ZNF532: variants seen among roughly 807,000 people sequenced by gnomAD.
ZNF532 encodes zinc finger protein 532.
In ZNF532, 22 loss-of-function variants were observed where a neutral mutation model predicts 89.3. That is an observed-to-expected ratio of 0.25 (90% CI 0.18 to 0.35). The LOEUF (loss-of-function observed/expected upper bound fraction) is 0.35, where lower values mean the gene tolerates loss of function less well. ZNF532 is among the 10% of genes least tolerant of loss of function. The pLI is 1.00. For synonymous variants in ZNF532, 606 were observed against 649.6 expected (o/e 0.93, Z 1.02); for missense variants, 1,132 against 1,643.4 (o/e 0.69, Z 5.38).
rs1007649613 is a variant in ZNF532 at position 58,974,269 on chromosome 18, T to A, written c.3151-4786T>A. Among the ~76,000 whole-genome samples the A allele has an allele frequency of 3.3e-5, 5 of 152,240 alleles. 1 individual carries two copies. The highest frequency in any genetic ancestry group is 7.3e-5 in the Non-Finnish European group (5 of 68,038). On this transcript the variant is annotated intron_variant, in intron 7 of 9. Transcript: ENST00000591808. ...TTATGCAAGTATTAGCATATATGCA[T>A]ATATTCTCATTCTTCTAATACAGAA...
intron 6 of ZNF532, among the ~76,000 whole-genome samples, chr18:58,951,613 T>C (rs1471934551): frequency 2.0e-5 from 3 of 149,182 alleles, no homozygotes; most frequent in Non-Finnish European, 3.0e-5. Context: ...GCAAAGAACA[T>C]GGTTAGACAA....
chr18:58,919,053 G>A lies in ZNF532; in HGVS notation c.766G>A (p.Val256Ile), dbSNP rs752704183. 9.3e-6 allele frequency: 15 copies of A among 1,613,810 alleles called. No individual in the cohort carries two copies. Among genetic ancestry groups the A allele is most frequent in the South Asian group, 3.3e-5 (3 of 91,076 alleles). The change falls in exon 3 of 10, where the codon GTT (valine) becomes ATT (isoleucine). Residue 256 changes from valine to isoleucine, a missense_variant. Val to Ile is a conservative substitution (Grantham distance 29). Around this residue, in one of 9 missense-constraint regions of ZNF532, gnomAD observed 302 missense variants for 319.8 expected, o/e 0.94. Coordinates refer to ENST00000591808, the MANE Select transcript of ZNF532 (RefSeq NM_001375912.1). The surrounding 1 kb of genome is among the most constrained non-coding windows in gnomAD (Gnocchi z 6.1). ...SEKNDTSLPSVAPSKTKSSSK... is the reference protein window; with the variant it reads ...SEKNDTSLPSIAPSKTKSSSK... ...GAAGAATGACACCAGCCTCCCCAGC[G>A]TTGCGCCATCAAAGACAAAGTCGTC...
intron 8 of ZNF532, chr18:58,979,695 G>A (rs1183431119): frequency 2.6e-5 from 4 of 152,776 alleles, no homozygotes; most frequent in Non-Finnish European, 5.8e-5. Flanking sequence ...TGATCCCTGA[G>A]TGTCTTGGGG....
At chr18:58,959,803 T>G (rs1383037235) in intron 7 of ZNF532, among the ~76,000 whole-genome samples, 2 of 152,272 alleles carry the variant, frequency 1.3e-5, no homozygotes, top group Non-Finnish European at 2.9e-5. Context: ...ATAGATGTTT[T>G]TCTCTCTATA....
intron 3 of ZNF532, among the ~76,000 whole-genome samples, chr18:58,931,050 T>G (rs2061919188): frequency 6.6e-6 from 1 of 152,210 alleles, no homozygotes; most frequent in Non-Finnish European, 1.5e-5. Flanking sequence ...CTTTAAAAAG[T>G]AACAGTTTAA....
At chr18:58,873,860 A>C (rs2057203304) in intron 2 of ZNF532, among the ~76,000 whole-genome samples, 1 of 152,210 alleles carries the variant, frequency 6.6e-6, no homozygotes. Context: ...GCTCTCAATG[A>C]TATAAACCTG....
Position 58,953,835 on chromosome 18 carries a change from A to G in ZNF532, c.3150+36A>G, listed in dbSNP as rs530355027. ...AATGAAAGCTGCTCTGGGTGAGTGC[A>G]AGAGAGGGCACTGGACTGGCAAGCT... On this transcript the variant is annotated intron_variant, in intron 7 of 9. Coordinates refer to ENST00000591808, the MANE Select transcript of ZNF532 (RefSeq NM_001375912.1). 8 of 1,583,738 alleles carry G rather than the reference A, an allele frequency of 5.1e-6. No homozygotes were observed. The South Asian group carries it at 9.3e-5, about 18-fold the overall frequency.
intron 7 of ZNF532, among the ~76,000 whole-genome samples, chr18:58,968,283 C>A (rs1260279735): frequency 6.6e-6 from 1 of 152,176 alleles, no homozygotes; most frequent in African/African-American, 2.4e-5. Flanking sequence ...GAGAATATAC[C>A]AGGACTTCCT....
At chr18:58,916,365 C>G (rs1329616940) in intron 2 of ZNF532, among the ~76,000 whole-genome samples, 3 of 152,180 alleles carry the variant, frequency 2.0e-5, no homozygotes, top group African/African-American at 4.8e-5. Flanking sequence ...TAATCACAGA[C>G]TTTCCACTGA....
At chr18:58,864,068 C>T (rs7239625), upstream of ZNF532, 99,037 of 151,816 alleles carry the variant, frequency 0.65, 32,527 homozygotes, top group Non-Finnish European at 0.69. Context: ...CTCTCCTACT[C>T]CCCCCGCCGG....
intron 3 of ZNF532, among the ~76,000 whole-genome samples, chr18:58,922,965 G>T (rs530769215): frequency 3.3e-5 from 5 of 150,366 alleles, no homozygotes; most frequent in Non-Finnish European, 7.4e-5. Context: ...GTGAAACTCT[G>T]TCCCCAGGAG....
intron 7 of ZNF532, among the ~76,000 whole-genome samples, chr18:58,976,309 C>G (rs1455970577): frequency 3.3e-5 from 5 of 152,230 alleles, no homozygotes; most frequent in South Asian, 4.2e-4. Flanking sequence ...ATTTGCTAAG[C>G]TGCTCTTCAT....
intron 2 of ZNF532, among the ~76,000 whole-genome samples, chr18:58,905,557 G>A (rs1191945981): frequency 2.6e-5 from 4 of 151,934 alleles, no homozygotes; most frequent in Non-Finnish European, 2.9e-5. Flanking sequence ...GCTCCACCAC[G>A]CCCATCTAAA....
chr18:58,942,084 A>G (rs189903173), intron 5 of ZNF532, among the ~76,000 whole-genome samples: 911 of 135,904 alleles, frequency 6.7e-3, no homozygotes, highest in Middle Eastern at 0.012. Context: ...GTGCAGTGGC[A>G]CGATCTCAGC....
intron 9 of ZNF532, among the ~76,000 whole-genome samples, chr18:58,982,001 CAAAAAA>C (rs60019659): frequency 6.0e-5 from 5 of 83,312 alleles, no homozygotes; most frequent in Admixed American, 1.4e-4. Context: ...GAGACTCTCC[CAAAAAA>C]AAAAAAAAAA....
intron 7 of ZNF532, among the ~76,000 whole-genome samples, chr18:58,955,331 C>G (rs746234489): frequency 2.6e-5 from 4 of 152,178 alleles, no homozygotes; most frequent in Admixed American, 6.5e-5. Context: ...GAACATAATA[C>G]CAGCTACCAG....
intron 2 of ZNF532, among the ~76,000 whole-genome samples, chr18:58,894,467 C>CAAAAAAA (rs149027291): frequency 2.6e-5 from 2 of 77,854 alleles, no homozygotes; most frequent in Non-Finnish European, 5.7e-5. Context: ...GACTCCATCT[C>CAAAAAAA]AAAAAAAAAA....
chr18:58,899,177 C>G (rs1256290240), intron 2 of ZNF532, among the ~76,000 whole-genome samples: 1 of 152,244 alleles, frequency 6.6e-6, no homozygotes, highest in Non-Finnish European at 1.5e-5. Flanking sequence ...TGTAATTTCA[C>G]TCCAGCGTGG....
At chr18:58,943,583 C>T (rs1318000584) in intron 5 of ZNF532, among the ~76,000 whole-genome samples, 6 of 152,232 alleles carry the variant, frequency 3.9e-5, no homozygotes, top group South Asian at 2.1e-4. Context: ...CTGCCTCAGC[C>T]TCCTGAGTAG....
Sources: allele counts gnomAD v4.1 joint callset (sites outside exome capture counted in the v4.1 genomes callset), GRCh38; gene constraint gnomAD v4.1.1; regional missense constraint gnomAD v4.1.1; non-coding constraint Gnocchi (gnomAD v3.1); transcripts MANE v1.5; gene names NCBI Gene and HGNC (gene_info 2026-07-23, HGNC 2026-07-21).